RNF157: variants seen among roughly 807,000 people sequenced by gnomAD.
RNF157 encodes ring finger protein 157, also known as E3 ubiquitin ligase RNF157.
Under a neutral mutation model 88.3 loss-of-function variants are expected in RNF157, and 55 were observed. The observed-to-expected ratio is 0.62, with a 90% CI of 0.50 to 0.78. RNF157 has a LOEUF of 0.78. RNF157 is among the 30% of genes least tolerant of loss of function. The pLI is 0.00. For synonymous variants in RNF157, 334 were observed against 341.2 expected (o/e 0.98, Z 0.23); for missense variants, 788 against 860.8 (o/e 0.92, Z 1.06).
chr17:76,223,011 C>A (rs4789252), intron 1 of RNF157, among the ~76,000 whole-genome samples: 20,442 of 151,882 alleles, frequency 0.13, 2,003 homozygotes, highest in African/African-American at 0.26. Flanking sequence ...CTGCCTCAGC[C>A]TTCCGAGTAG....
At chr17:76,189,995 T>C (rs1293822891) in intron 2 of RNF157, among the ~76,000 whole-genome samples, 1 of 152,032 alleles carries the variant, frequency 6.6e-6, no homozygotes, top group Non-Finnish European at 1.5e-5. Context: ...TGGCCAAGTG[T>C]AGCAAGCAAT....
At chr17:76,145,758 G>A (rs1382025548) in intron 18 of RNF157, among the ~76,000 whole-genome samples, 1 of 152,222 alleles carries the variant, frequency 6.6e-6, no homozygotes. Flanking sequence ...GAGGTGGGGG[G>A]AAGTGAGAAG....
chr17:76,155,374 C>A (rs2068746977), intron 15 of RNF157, 57 bp from the exon 16 acceptor site: 4 of 1,572,494 alleles, frequency 2.5e-6, no homozygotes, highest in Non-Finnish European at 1.7e-6. Flanking sequence ...GACAGCAAAC[C>A]CAAACCTTCT....
intron 3 of RNF157, among the ~76,000 whole-genome samples, chr17:76,172,607 C>CAAAAAAAAAAAAAAA (rs35297368): frequency 2.2e-4 from 7 of 31,716 alleles, no homozygotes; most frequent in African/African-American, 8.7e-4. Context: ...AACTCCATCT[C>CAAAAAAAAAAAAAAA]AAAAAAAAAA....
At position 76,208,444 on chromosome 17, in the gene RNF157, A is replaced by T. The variant is rs2069720200; in HGVS notation, c.207+3920T>A. Among the ~76,000 whole-genome samples, 7 of 152,272 alleles carry T rather than the reference A, an allele frequency of 4.6e-5. No individual in the cohort carries two copies. In the South Asian group the frequency reaches 1.2e-3, roughly 27 times the overall value. Reference sequence around the variant, plus strand: ...TGTGCCACATGTTCTTCACCTGTTGAATGAGGACCTTTTTCATCATGATGT... The same window carrying T: ...TGTGCCACATGTTCTTCACCTGTTGTATGAGGACCTTTTTCATCATGATGT... On this transcript the variant is annotated intron_variant, in intron 2 of 18. Coordinates refer to ENST00000269391, the MANE Select transcript of RNF157 (RefSeq NM_052916.3).
At chr17:76,226,231 A>T (rs2070082273) in intron 1 of RNF157, 3 of 1,611,918 alleles carry the variant, frequency 1.9e-6, no homozygotes, top group Non-Finnish European at 2.5e-6. Context: ...CCGGCTTCCT[A>T]TCTTCTTCAG....
intron 2 of RNF157, among the ~76,000 whole-genome samples, chr17:76,207,012 G>T (rs2069692091): frequency 6.6e-6 from 1 of 152,172 alleles, no homozygotes; most frequent in South Asian, 2.1e-4. Context: ...AGAGTTTAAT[G>T]GTAAGATATA....
intron 2 of RNF157, among the ~76,000 whole-genome samples, chr17:76,197,041 C>T (rs1394613283): frequency 6.6e-6 from 1 of 152,192 alleles, no homozygotes; most frequent in Non-Finnish European, 1.5e-5. Flanking sequence ...GCTTTGCTCC[C>T]AGAGAACCCA....
intron 2 of RNF157, among the ~76,000 whole-genome samples, chr17:76,194,889 C>T (rs1480604400): frequency 1.3e-5 from 2 of 152,086 alleles, no homozygotes; most frequent in African/African-American, 4.8e-5. Context: ...GTGGCGGGCG[C>T]CTGTAGTCCC....
chr17:76,216,980 G>T (rs1405819611), intron 1 of RNF157, among the ~76,000 whole-genome samples: 1 of 152,116 alleles, frequency 6.6e-6, no homozygotes, highest in African/African-American at 2.4e-5. Flanking sequence ...AACTGGGAAT[G>T]ATTTTCTCAA....
At chr17:76,197,885 G>A (rs1274545809) in intron 2 of RNF157, among the ~76,000 whole-genome samples, 1 of 152,148 alleles carries the variant, frequency 6.6e-6, no homozygotes, top group African/African-American at 2.4e-5. Flanking sequence ...GACTTGAGAT[G>A]GGAACGTCTG....
At chr17:76,185,732 G>A (rs1301262074) in intron 2 of RNF157, among the ~76,000 whole-genome samples, 1 of 152,108 alleles carries the variant, frequency 6.6e-6, no homozygotes, top group African/African-American at 2.4e-5. Flanking sequence ...GCCTCCCAAA[G>A]TGCTGGGATT....
In RNF157 at chr17:76,226,266, C is replaced by A. The variant is rs6501867; in HGVS notation, c.89-13784G>T. 59 of 1,609,060 alleles carry A rather than the reference C, an allele frequency of 3.7e-5. No homozygotes were observed. In the African/African-American group the frequency reaches 6.2e-4, roughly 17 times the overall value. ...GTGATATCCACTTCACTGCCCAGCTCTAAACTAAAGGAATGATCTGGAGTG... is the reference window on the plus strand; with the variant it reads ...GTGATATCCACTTCACTGCCCAGCTATAAACTAAAGGAATGATCTGGAGTG... On this transcript the variant is annotated intron_variant, in intron 1 of 18. Transcript: ENST00000269391.
intron 8 of RNF157, chr17:76,163,512 C>G (rs1358001295): frequency 3.9e-5 from 6 of 152,198 alleles, no homozygotes; most frequent in African/African-American, 7.2e-5. Flanking sequence ...TTTCTTAAAA[C>G]CCCAACTACC....
At position 76,156,197 on chromosome 17, in the gene RNF157, G is replaced by A. The variant is rs762433024; in HGVS notation, c.1525+13C>T. On this transcript the variant is annotated intron_variant, in intron 14 of 18. Transcript: ENST00000269391. ...GGGGAAGGACATGCAGCCACTCCCC[G>A]CTCCTTATGTACCTTCTGGGGAGGA... is the stretch of plus-strand genomic sequence containing the variant. The A allele has an allele frequency of 1.6e-5, 25 of 1,598,736 alleles. No individual in the cohort carries two copies. In the East Asian group the frequency reaches 2.0e-4, roughly 13 times the overall value.
rs754152946 is a variant in RNF157 at position 76,206,045 on chromosome 17, T to C, written c.207+6319A>G. Among the ~76,000 whole-genome samples, 35 of 151,780 alleles carry C rather than the reference T, an allele frequency of 2.3e-4. 1 individual carries two copies. The highest frequency in any genetic ancestry group is 8.5e-4 in the Admixed American group (13 of 15,264). On this transcript the variant is annotated intron_variant, in intron 2 of 18. Coordinates refer to ENST00000269391, the MANE Select transcript of RNF157 (RefSeq NM_052916.3). ...AGGAGTTTGAGACCAGCCTGGGCTA[T>C]GTAGTAAGACATTCTCTCTATAGAA...
chr17:76,152,256 G>A (rs990244392), intron 18 of RNF157, 99 bp downstream of exon 18: 5 of 805,454 alleles, frequency 6.2e-6, no homozygotes, highest in African/African-American at 1.7e-5. Flanking sequence ...TTCTTGGCAG[G>A]AACTGCAGGG....
chr17:76,162,835 CATT>C (rs2144840547), intron 8 of RNF157: 1 of 465,734 alleles, frequency 2.1e-6, no homozygotes, highest in East Asian at 3.8e-5. Context: ...ATTCACCCAT[CATT>C]ATATACAACA....
chr17:76,217,916 G>C (rs566993707), intron 1 of RNF157, among the ~76,000 whole-genome samples: 1 of 152,212 alleles, frequency 6.6e-6, no homozygotes, highest in African/African-American at 2.4e-5. Context: ...CGTAAGGTAT[G>C]AGTGGGAAGG....
Sources: gnomAD v4.1 joint callset for allele counts (sites outside exome capture counted in the v4.1 genomes callset) on GRCh38, gnomAD v4.1.1 for gene constraint, MANE v1.5 for transcripts, NCBI Gene and HGNC (gene_info 2026-07-23, HGNC 2026-07-21) for gene names.